The following XPNPEP3 variants were observed in gnomAD, a reference collection of about 807,000 sequenced individuals.
XPNPEP3 encodes the protein X-prolyl aminopeptidase 3, also known as xaa-Pro aminopeptidase 3.
Under a neutral mutation model 60.0 loss-of-function variants are expected in XPNPEP3, and 41 were observed. The observed-to-expected ratio is 0.68, with a 90% CI of 0.53 to 0.89. XPNPEP3 has a LOEUF of 0.89. Among genes scored for constraint, XPNPEP3 ranks in the 40% least tolerant of loss-of-function variants. XPNPEP3 has a pLI of 0.00. For synonymous variants in XPNPEP3, 212 were observed against 223.2 expected (o/e 0.95, Z 0.45); for missense variants, 598 against 638.9 (o/e 0.94, Z 0.69).
At chr22:40,861,106 G>A (rs142238888) in intron 1 of XPNPEP3, 34 of 1,610,446 alleles carry the variant, frequency 2.1e-5, no homozygotes, top group African/African-American at 1.7e-4. Flanking sequence ...ACCTCTTTAC[G>A]CTTCTTTTTT....
chr22:40,909,754 T>A (rs2058170298), intron 6 of XPNPEP3, among the ~76,000 whole-genome samples: 1 of 152,032 alleles, frequency 6.6e-6, no homozygotes, highest in East Asian at 1.9e-4. Flanking sequence ...GCCTGGGCTA[T>A]GGAGCAAGAC....
Position 40,932,677 on chromosome 22 carries a change from C to G in XPNPEP3, c.*6242C>G, listed in dbSNP as rs1431812641. ...CTTAATGCTTTCCATGACTTTTGTG[C>G]AATTATATAAGTTCAGTTTAGACAA... On this transcript the variant is annotated 3_prime_UTR_variant, in exon 10 of 10. Transcript: ENST00000357137. 1.3e-5 allele frequency: 2 copies of G among 152,000 alleles called. No homozygotes were observed. The highest frequency in any genetic ancestry group is 4.8e-5 in the African/African-American group (2 of 41,368). The allele number at this position is 152,000 out of a possible 1,614,324, so 9.4% of individuals were successfully genotyped here.
intron 1 of XPNPEP3, among the ~76,000 whole-genome samples, chr22:40,864,691 C>G (rs1032610536): frequency 2.0e-5 from 3 of 152,048 alleles, no homozygotes; most frequent in Admixed American, 6.6e-5. Context: ...GTGATCTGCC[C>G]GCCTCAGCCT....
chr22:40,891,634 C>T (rs2058088982), intron 4 of XPNPEP3, among the ~76,000 whole-genome samples: 1 of 149,304 alleles, frequency 6.7e-6, no homozygotes, highest in Non-Finnish European at 1.5e-5. Context: ...GCCTGGGTGA[C>T]AGAGTGAGAC....
chr22:40,886,220 A>G (rs1048592490), intron 3 of XPNPEP3, 93 bp from the exon 4 acceptor site: 7 of 1,274,036 alleles, frequency 5.5e-6, no homozygotes, highest in Non-Finnish European at 7.9e-6. Flanking sequence ...CAGGTTTTAT[A>G]GTTTTGACTC....
chr22:40,909,952 T>G (rs2058171165), intron 6 of XPNPEP3, among the ~76,000 whole-genome samples: 1 of 152,022 alleles, frequency 6.6e-6, no homozygotes, highest in South Asian at 2.1e-4. Flanking sequence ...GGCAGAAAGA[T>G]TTTAAGAAAT....
At chr22:40,868,615 G>T (rs749802761) in intron 1 of XPNPEP3, among the ~76,000 whole-genome samples, 7 of 152,148 alleles carry the variant, frequency 4.6e-5, no homozygotes, top group African/African-American at 7.2e-5. Flanking sequence ...AACACTTTGG[G>T]AGGCCGAGGT....
At chr22:40,907,162 C>T in intron 4 of XPNPEP3, 1 of 457,362 alleles carries the variant, frequency 2.2e-6, no homozygotes, top group African/African-American at 2.0e-5. Context: ...TGGCTCACGC[C>T]TGTATTCCCA....
chr22:40,932,286 A>G lies in XPNPEP3; in HGVS notation c.*5851A>G, dbSNP rs1448685355. 6.6e-6 allele frequency: 1 copy of G among 152,060 alleles called. No individual in the cohort carries two copies. Among genetic ancestry groups the G allele is most frequent in the Non-Finnish European group, 1.5e-5 (1 of 68,016 alleles). 9.4% of individuals were successfully genotyped at this position (152,060 alleles called of 1,614,324 possible). ...AGAAAATTAGGCAGGCACCACAGAC[A>G]GTAGCAACATAAAGGAACCTGCTTA... On this transcript the variant is annotated 3_prime_UTR_variant, in exon 10 of 10. Coordinates refer to ENST00000357137, the MANE Select transcript of XPNPEP3 (RefSeq NM_022098.4).
chr22:40,864,069 TAAG>T (rs1293696959), intron 1 of XPNPEP3, among the ~76,000 whole-genome samples: 1 of 152,246 alleles, frequency 6.6e-6, no homozygotes, highest in Non-Finnish European at 1.5e-5. Context: ...GCAAGTTTAT[TAAG>T]AAAGTAAAGG....
intron 4 of XPNPEP3, chr22:40,888,409 AT>A: frequency 2.3e-6 from 1 of 440,742 alleles, no homozygotes; most frequent in Non-Finnish European, 4.5e-6. Context: ...ATGCCTGCTA[AT>A]TTTTTAAATT....
chr22:40,877,608 C>A (rs1359368582), intron 2 of XPNPEP3, among the ~76,000 whole-genome samples: 1 of 152,180 alleles, frequency 6.6e-6, no homozygotes, highest in Non-Finnish European at 1.5e-5. Context: ...TTTGCAGAGT[C>A]CAGCTTCCAA....
intron 4 of XPNPEP3, among the ~76,000 whole-genome samples, chr22:40,896,700 C>G (rs950837805): frequency 5.9e-5 from 9 of 151,980 alleles, no homozygotes; most frequent in African/African-American, 2.2e-4. Flanking sequence ...AATAGAAATT[C>G]AATGACATTA....
chr22:40,902,586 T>C (rs1213763110), intron 4 of XPNPEP3, among the ~76,000 whole-genome samples: 1 of 152,032 alleles, frequency 6.6e-6, no homozygotes, highest in Non-Finnish European at 1.5e-5. Flanking sequence ...GGTTTCACCA[T>C]GTTGGTCAGG....
intron 7 of XPNPEP3, among the ~76,000 whole-genome samples, chr22:40,915,502 A>G (rs1367630323): frequency 2.0e-5 from 3 of 151,754 alleles, no homozygotes; most frequent in Non-Finnish European, 4.4e-5. Context: ...GCAGTGAGCT[A>G]AGATTGGACT....
At chr22:40,916,300 GAA>G (rs980489442) in intron 7 of XPNPEP3, among the ~76,000 whole-genome samples, 1 of 137,456 alleles carries the variant, frequency 7.3e-6, no homozygotes, top group African/African-American at 2.7e-5. Flanking sequence ...TCAAACAAAG[GAA>G]AAAAAAAAAG....
In XPNPEP3 at chr22:40,886,347, G is replaced by T. The variant is rs1412335585; in HGVS notation, c.624G>T (p.Arg208Ser). The change falls in exon 4 of 10, where the codon AGG becomes AGT. Residue 208 changes from arginine to serine, a missense_variant. Transcript: ENST00000357137. ...ETNMVWYDWM[R>S]PSHAQLHSDY... is the part of the protein sequence containing the mutation. ...ACATGGTTTGGTATGACTGGATGAG[G>T]CCCTCACATGCACAGCTTCACTCTG... The T allele has an allele frequency of 6.2e-7, 1 of 1,613,992 alleles. No homozygotes were observed. Among genetic ancestry groups the T allele is most frequent in the Non-Finnish European group, 8.5e-7 (1 of 1,180,034 alleles).
intron 4 of XPNPEP3, 119 bp from the exon 5 acceptor site, chr22:40,907,468 C>A: frequency 9.5e-7 from 1 of 1,050,502 alleles, no homozygotes; most frequent in Non-Finnish European, 1.5e-6. Flanking sequence ...TAGGTCACAA[C>A]TTCAGGCTGA....
intron 2 of XPNPEP3, among the ~76,000 whole-genome samples, chr22:40,873,208 A>G (rs145138355): frequency 0.053 from 7,717 of 145,084 alleles, 630 homozygotes; most frequent in African/African-American, 0.18. Context: ...AGATTCAAGC[A>G]ATTCTCCTGC....
Sources: allele counts gnomAD v4.1 joint callset (sites outside exome capture counted in the v4.1 genomes callset), GRCh38; gene constraint gnomAD v4.1.1; transcripts MANE v1.5; gene names NCBI Gene and HGNC (gene_info 2026-07-23, HGNC 2026-07-21).